The following CLEC16A variants were observed in gnomAD, a reference collection of about 807,000 sequenced individuals.
The protein encoded by CLEC16A is protein CLEC16A.
CLEC16A carries 51 observed loss-of-function variants against 109.5 expected under a neutral mutation model. That is an observed-to-expected ratio of 0.47 (90% CI 0.37 to 0.59). The LOEUF (loss-of-function observed/expected upper bound fraction) is 0.59. Among genes scored for constraint, CLEC16A ranks in the 20% least tolerant of loss-of-function variants. The probability of loss-of-function intolerance (pLI) is 0.00; values close to 1 mark genes in which losing one functional copy is unlikely to be tolerated. For synonymous variants in CLEC16A, 673 were observed against 564.2 expected, an observed-to-expected ratio of 1.19 and a Z score of -2.73; for missense variants, 1,339 against 1,394.0, an observed-to-expected ratio of 0.96 and a Z score of 0.63.
intron 22 of CLEC16A, among the ~76,000 whole-genome samples, chr16:11,140,654 C>T (rs900804035): frequency 6.6e-6 from 1 of 152,170 alleles, no homozygotes; most frequent in Non-Finnish European, 1.5e-5. Context: ...CACGAAGCAC[C>T]TGAAAGGCTT....
chr16:11,081,437 C>T (rs1372741746), intron 19 of CLEC16A, among the ~76,000 whole-genome samples: 1 of 152,180 alleles, frequency 6.6e-6, no homozygotes, highest in Non-Finnish European at 1.5e-5. Context: ...CTCCATTCAC[C>T]CATGTCCTTG....
chr16:11,176,330 GTGTTCACCGATGCCCAT>G (rs2068744181), intron 23 of CLEC16A, among the ~76,000 whole-genome samples: 1 of 152,332 alleles, frequency 6.6e-6, no homozygotes, highest in African/African-American at 2.4e-5. Context: ...TTTTCCACTA[GTGTTCACCGATGCCCAT>G]TGCCACCCTC....
chr16:11,051,311 T>G (rs1048111773), intron 17 of CLEC16A, among the ~76,000 whole-genome samples: 6 of 152,230 alleles, frequency 3.9e-5, no homozygotes, highest in Non-Finnish European at 5.9e-5. Context: ...AGGAAAAATC[T>G]GCAATTTAGA....
At chr16:11,041,046 G>A (rs9932114) in intron 14 of CLEC16A, 13,304 of 152,214 alleles carry the variant, frequency 0.087, 616 homozygotes, top group African/African-American at 0.12. Flanking sequence ...GACCCACAGA[G>A]GAGTTTGCAT....
chr16:11,061,218 C>A (rs2048463772), intron 19 of CLEC16A, among the ~76,000 whole-genome samples, 196 bp downstream of exon 19: 1 of 152,178 alleles, frequency 6.6e-6, no homozygotes, highest in African/African-American at 2.4e-5. Context: ...TCTCTGAGAT[C>A]AGTTTGAGGG....
chr16:11,058,071 G>A (rs558140222), intron 18 of CLEC16A, among the ~76,000 whole-genome samples: 2 of 152,308 alleles, frequency 1.3e-5, no homozygotes, highest in East Asian at 1.9e-4. Context: ...AGAGTTGTGG[G>A]GCTGCCCAAT....
chr16:11,073,061 G>A (rs954121314), intron 19 of CLEC16A, among the ~76,000 whole-genome samples: 1 of 152,200 alleles, frequency 6.6e-6, no homozygotes, highest in African/African-American at 2.4e-5. Flanking sequence ...CCAGGCATGG[G>A]CCCTGGAGAA....
At chr16:10,994,888 G>A (rs996335497) in intron 10 of CLEC16A, among the ~76,000 whole-genome samples, 5 of 152,206 alleles carry the variant, frequency 3.3e-5, no homozygotes, top group South Asian at 2.1e-4. Flanking sequence ...CTGGCCCAAC[G>A]TTGGGAGGTG....
At chr16:10,983,094 C>A in intron 10 of CLEC16A, 103 bp downstream of exon 10, 2 of 672,256 alleles carry the variant, frequency 3.0e-6, no homozygotes, top group Admixed American at 2.3e-5. Context: ...GAATATATAG[C>A]AGTGATGATG....
intron 1 of CLEC16A, among the ~76,000 whole-genome samples, chr16:10,949,898 A>G (rs1470428381): frequency 1.3e-5 from 2 of 152,068 alleles, no homozygotes; most frequent in African/African-American, 4.8e-5. Context: ...TCGCCTGCCC[A>G]CTTGAGGTCC....
intron 23 of CLEC16A, among the ~76,000 whole-genome samples, chr16:11,172,981 C>T (rs931497684): frequency 6.6e-6 from 1 of 152,100 alleles, no homozygotes; most frequent in Non-Finnish European, 1.5e-5. Flanking sequence ...ACAGGTCTGG[C>T]TGCTGTTGAC....
intron 23 of CLEC16A, among the ~76,000 whole-genome samples, chr16:11,175,914 CACTT>C (rs1300811066): frequency 2.6e-5 from 4 of 152,238 alleles, no homozygotes; most frequent in African/African-American, 7.2e-5. Flanking sequence ...AGAGAGAAAA[CACTT>C]ACATCGAAAT....
intron 11 of CLEC16A, among the ~76,000 whole-genome samples, chr16:11,006,284 C>A (rs1022302392): frequency 6.6e-6 from 1 of 152,154 alleles, no homozygotes; most frequent in Non-Finnish European, 1.5e-5. Flanking sequence ...GCTACAGTGG[C>A]TCCCTCAGTA....
intron 22 of CLEC16A, among the ~76,000 whole-genome samples, chr16:11,154,536 T>G (rs991458177): frequency 1.3e-5 from 2 of 152,232 alleles, no homozygotes; most frequent in African/African-American, 4.8e-5. Context: ...ACAGCTAATG[T>G]GAGGAAGACT....
chr16:11,093,593 T>A lies in CLEC16A; in HGVS notation c.2117-27022T>A, dbSNP rs542007294. On this transcript the variant is annotated intron_variant, in intron 19 of 23. Coordinates refer to ENST00000409790, the MANE Select transcript of CLEC16A (RefSeq NM_015226.3). ...TGAGGAGTCACCAAATGAATCTGTC[T>A]TAAAGCAAAGTGGGCGTATTTTTGA... Among the ~76,000 whole-genome samples the A allele has an allele frequency of 3.9e-5, 6 of 152,294 alleles. No homozygotes were observed. In the South Asian group the frequency reaches 1.2e-3, roughly 32 times the overall value.
chr16:11,044,068 A>G lies in CLEC16A; in HGVS notation c.1811A>G (p.Tyr604Cys). 1 of 1,608,498 alleles carries G rather than the reference A, an allele frequency of 6.2e-7. No individual in the cohort carries two copies. The highest frequency in any genetic ancestry group is 1.7e-4 in the Middle Eastern group (1 of 6,046). The change falls in exon 16 of 24, where the codon TAT (tyrosine) becomes TGT (cysteine). Residue 604 changes from tyrosine (Y) to cysteine (C), a missense_variant. Tyr to Cys is a radical substitution (Grantham distance 194, BLOSUM62 -2). This residue lies in a region of CLEC16A where 1,061 missense variants were observed against 1,006.8 expected (regional missense o/e 1.05). Transcript: ENST00000409790. Reference protein sequence around the residue: ...EESVHLVRHFYKGEDIFLDMF... With the variant: ...EESVHLVRHFCKGEDIFLDMF... ...AGTGTTCACCTTGTACGACATTTTT[A>G]TAAGGTAATTGGCAGAGCACAGATG...
intron 17 of CLEC16A, among the ~76,000 whole-genome samples, chr16:11,048,901 C>T (rs1220230044): frequency 1.3e-5 from 2 of 152,036 alleles, no homozygotes; most frequent in Non-Finnish European, 2.9e-5. Flanking sequence ...TGTCAGGCTT[C>T]TATGGCACTT....
rs1255330854 is a variant in CLEC16A at position 11,166,453 on chromosome 16, T to C, written c.2707T>C (p.Ser903Pro). 3 of 1,607,466 alleles carry C rather than the reference T, an allele frequency of 1.9e-6. No homozygotes were observed. The highest frequency in any genetic ancestry group is 2.5e-6 in the Non-Finnish European group (3 of 1,179,730). ...GTCCCTGTCCTCACAGTCGCCACCC[T>C]CCGCCAGCGGGAGCCCCAGCGGCAG... is the stretch of plus-strand genomic sequence containing the variant. Reference protein sequence around the residue: ...SPSLSSQSPPSASGSPSGSGS... With the variant: ...SPSLSSQSPPPASGSPSGSGS... The change falls in exon 23 of 24, where the codon TCC becomes CCC. Residue 903 changes from serine to proline, a missense_variant. Physicochemically the swap from Ser to Pro is moderately conservative, Grantham distance 74 (BLOSUM62 -1). Transcript: ENST00000409790.
In CLEC16A at chr16:11,126,384, G is replaced by A. The variant is rs536480479; in HGVS notation, c.2641+238G>A. On this transcript the variant is annotated intron_variant, in intron 22 of 23. Coordinates refer to ENST00000409790, the MANE Select transcript of CLEC16A (RefSeq NM_015226.3). Reference sequence around the variant, plus strand: ...TTTCCAGAGATTTGTTGGGTATGTGGAAGAACTTCTCAGAATTGACTAAGA... The same window carrying A: ...TTTCCAGAGATTTGTTGGGTATGTGAAAGAACTTCTCAGAATTGACTAAGA... 36 of 1,440,112 alleles carry A rather than the reference G, an allele frequency of 2.5e-5. No individual in the cohort carries two copies. In the Admixed American group the frequency reaches 9.6e-4, roughly 38 times the overall value. 89.2% of individuals were successfully genotyped at this position (1,440,112 alleles called of 1,614,324 possible).
Sources: allele counts gnomAD v4.1 joint callset (sites outside exome capture counted in the v4.1 genomes callset), GRCh38; gene constraint gnomAD v4.1.1; regional missense constraint gnomAD v4.1.1; transcripts MANE v1.5; gene names NCBI Gene and HGNC (gene_info 2026-07-23, HGNC 2026-07-21).